Variants in KDM2A observed in about 807,000 individuals in gnomAD.
KDM2A encodes the protein lysine demethylase 2A, also known as lysine-specific demethylase 2A.
Under a neutral mutation model 137.3 loss-of-function variants are expected in KDM2A, and 3 were observed. That is an observed-to-expected ratio of 0.02 (90% CI 0.01 to 0.06). The LOEUF is 0.06. Ranked by LOEUF, KDM2A falls within the 10% of genes least tolerant of loss-of-function variation. The pLI is 1.00. For synonymous variants in KDM2A, 512 were observed against 541.5 expected (o/e 0.95, Z 0.76); for missense variants, 738 against 1,510.6 (o/e 0.49, Z 8.48).
At chr11:67,221,550 A>G (rs2136405592) in intron 10 of KDM2A, among the ~76,000 whole-genome samples, 1 of 152,326 alleles carries the variant, frequency 6.6e-6, no homozygotes, top group South Asian at 2.1e-4. Context: ...GTTACGTATC[A>G]CTATACACAT....
chr11:67,215,643 A>G (rs964658894), intron 7 of KDM2A, 197 bp downstream of exon 7: 14 of 620,802 alleles, frequency 2.3e-5, no homozygotes, highest in African/African-American at 3.7e-5. Flanking sequence ...CAGTTAAAGG[A>G]AAAAAAACTT....
chr11:67,231,369 G>A (rs1321612939), intron 11 of KDM2A, among the ~76,000 whole-genome samples, 197 bp from the exon 12 acceptor site: 5 of 152,066 alleles, frequency 3.3e-5, no homozygotes, highest in Admixed American at 6.6e-5. Context: ...TGTCCTCCTA[G>A]GTCAGGATCC....
At chr11:67,217,984 T>C (rs1490191911) in intron 9 of KDM2A, 100 bp downstream of exon 9, 5 of 1,049,620 alleles carry the variant, frequency 4.8e-6, no homozygotes, top group African/African-American at 1.6e-5. Flanking sequence ...GCTGGGCGTC[T>C]GCAGAAAACA....
intron 15 of KDM2A, among the ~76,000 whole-genome samples, chr11:67,247,705 G>C (rs1019388858): frequency 1.3e-5 from 2 of 152,112 alleles, no homozygotes; most frequent in Non-Finnish European, 2.9e-5. Flanking sequence ...GATTACAGGC[G>C]TGAGCCACCA....
intron 1 of KDM2A, among the ~76,000 whole-genome samples, chr11:67,120,251 C>T (rs1335300552): frequency 6.6e-6 from 1 of 152,256 alleles, no homozygotes; most frequent in African/African-American, 2.4e-5. Flanking sequence ...GGGGTGCAAG[C>T]ACGGTTTCCC....
chr11:67,169,201 G>T (rs1856820313), intron 2 of KDM2A, among the ~76,000 whole-genome samples: 1 of 151,628 alleles, frequency 6.6e-6, no homozygotes, highest in Admixed American at 6.6e-5. Flanking sequence ...TAATCCACCT[G>T]CCTTGGCCTC....
intron 2 of KDM2A, among the ~76,000 whole-genome samples, chr11:67,169,698 TTC>T (rs922545701): frequency 6.7e-6 from 1 of 150,286 alleles, no homozygotes; most frequent in Non-Finnish European, 1.5e-5. Context: ...TCTTTTTTCT[TTC>T]TTTTTTCTTT....
At chr11:67,223,909 G>C (rs1319145701) in intron 10 of KDM2A, among the ~76,000 whole-genome samples, 1 of 152,140 alleles carries the variant, frequency 6.6e-6, no homozygotes, top group Admixed American at 6.6e-5. Flanking sequence ...TCTCTCCTCT[G>C]TCTCCCTTAG....
At chr11:67,237,606 T>TTTTG (rs758631016) in intron 12 of KDM2A, among the ~76,000 whole-genome samples, 1 of 151,936 alleles carries the variant, frequency 6.6e-6, no homozygotes, top group Non-Finnish European at 1.5e-5. Flanking sequence ...CAACTCAGCT[T>TTTTG]TTTGTTTGTT....
At chr11:67,230,993 C>G (rs935898006) in intron 11 of KDM2A, among the ~76,000 whole-genome samples, 1 of 151,036 alleles carries the variant, frequency 6.6e-6, no homozygotes, top group Non-Finnish European at 1.5e-5. Flanking sequence ...GTCTCACTCT[C>G]TTGCCCAGGC....
intron 2 of KDM2A, among the ~76,000 whole-genome samples, chr11:67,164,035 G>T (rs1159301690): frequency 6.6e-6 from 1 of 152,074 alleles, no homozygotes; most frequent in East Asian, 1.9e-4. Flanking sequence ...TCTGGACCCT[G>T]CCACTACTCT....
intron 2 of KDM2A, among the ~76,000 whole-genome samples, chr11:67,179,245 A>G (rs143623795): frequency 9.4e-4 from 143 of 152,132 alleles, no homozygotes; most frequent in African/African-American, 3.3e-3. Flanking sequence ...ATGGTGTGCT[A>G]TTTGGAATGC....
intron 10 of KDM2A, among the ~76,000 whole-genome samples, chr11:67,221,433 T>C (rs1044253256): frequency 3.3e-5 from 5 of 152,230 alleles, no homozygotes; most frequent in Admixed American, 3.3e-4. Context: ...TCACAACTTT[T>C]ATATGAATGG....
At chr11:67,226,518 C>A (rs184101846) in intron 10 of KDM2A, among the ~76,000 whole-genome samples, 14 of 152,222 alleles carry the variant, frequency 9.2e-5, no homozygotes, top group Non-Finnish European at 1.3e-4. Flanking sequence ...GTCAGGAGAT[C>A]GAGACCATCC....
chr11:67,160,752 A>G (rs893016543), intron 2 of KDM2A, among the ~76,000 whole-genome samples: 1 of 152,054 alleles, frequency 6.6e-6, no homozygotes, highest in Non-Finnish European at 1.5e-5. Flanking sequence ...GCCTGGGCAA[A>G]AAGAGTGAAA....
intron 2 of KDM2A, among the ~76,000 whole-genome samples, chr11:67,123,548 A>C (rs1472112266): frequency 6.6e-6 from 1 of 152,062 alleles, no homozygotes; most frequent in African/African-American, 2.4e-5. Flanking sequence ...TGATGCCATA[A>C]AACTCCTTTC....
rs1223534129 is a variant in KDM2A, at chr11:67,250,950, AAAG to A, written c.2768+154_2768+156del. Among the ~76,000 whole-genome samples the A allele has an allele frequency of 6.6e-6, 1 of 152,142 alleles. No homozygotes were observed. Among genetic ancestry groups the A allele is most frequent in the Non-Finnish European group, 1.5e-5 (1 of 68,024 alleles). On this transcript the variant is annotated intron_variant, in intron 17 of 20. Transcript: ENST00000529006. The surrounding 1 kb of genome is among the most constrained non-coding windows in gnomAD (Gnocchi z 7.1). Reference sequence around the variant, plus strand: ...TTTTCCCAAACTTTGGGTCCTGTTTAAAGATGTAGCCTGTTGTACCCGCAGATG... The same window carrying A: ...TTTTCCCAAACTTTGGGTCCTGTTTAATGTAGCCTGTTGTACCCGCAGATG...
At chr11:67,181,933 T>G (rs762568955) in intron 5 of KDM2A, 41 bp downstream of exon 5, 1 of 1,556,414 alleles carries the variant, frequency 6.4e-7, no homozygotes, top group Non-Finnish European at 8.9e-7. Context: ...AAGGCAAAGA[T>G]TTAAGACTTA....
chr11:67,236,709 A>T (rs563122277), intron 12 of KDM2A, among the ~76,000 whole-genome samples: 1 of 152,308 alleles, frequency 6.6e-6, no homozygotes, highest in African/African-American at 2.4e-5. Flanking sequence ...TATCTGTGAG[A>T]TTGTTGTTAA....
Sources: allele counts gnomAD v4.1 joint callset (sites outside exome capture counted in the v4.1 genomes callset), GRCh38; gene constraint gnomAD v4.1.1; non-coding constraint Gnocchi (gnomAD v3.1); transcripts MANE v1.5; gene names NCBI Gene and HGNC (gene_info 2026-07-23, HGNC 2026-07-21).